The following PGM5 variants were observed in gnomAD, a reference collection of about 807,000 sequenced individuals.
PGM5 encodes the protein phosphoglucomutase-like protein 5.
In PGM5, 23 loss-of-function variants were observed where a neutral mutation model predicts 59.2. The observed-to-expected ratio is 0.39, with a 90% confidence interval of 0.28 to 0.55. PGM5 has a LOEUF of 0.55. PGM5 is among the 20% of genes least tolerant of loss of function. PGM5 has a pLI of 0.66. For synonymous variants in PGM5, 214 were observed against 286.0 expected (o/e 0.75, Z 2.54); for missense variants, 574 against 748.3 (o/e 0.77, Z 2.72).
intron 6 of PGM5, chr9:68,398,328 G>T (rs1176964869): frequency 6.6e-6 from 1 of 151,950 alleles, no homozygotes; most frequent in African/African-American, 2.4e-5. Context: ...GAAAGAGATG[G>T]CACCCTCAAA....
intron 7 of PGM5, among the ~76,000 whole-genome samples, chr9:68,472,508 C>G (rs1167534853): frequency 2.2e-4 from 34 of 152,190 alleles, no homozygotes; most frequent in Admixed American, 2.2e-3. Context: ...CTCTGTGACT[C>G]AATTTCCTCA....
At chr9:68,442,127 TA>T (rs1490922300) in intron 6 of PGM5, among the ~76,000 whole-genome samples, 4 of 152,232 alleles carry the variant, frequency 2.6e-5, no homozygotes, top group Non-Finnish European at 4.4e-5. Flanking sequence ...GTCATTTATT[TA>T]TAAATTGATT....
chr9:68,370,437 C>A lies in PGM5; in HGVS notation c.262-7762C>A, dbSNP rs1218109522. The stretch of plus-strand genomic sequence containing the variant: ...TTCTGCACCTACTCCGAAATTTTAG[C>A]CTGAGGGTTTAAATATTACCTCGCT... On this transcript the variant is annotated intron_variant, in intron 1 of 10. Coordinates refer to ENST00000396396, the MANE Select transcript of PGM5 (RefSeq NM_021965.4). Among the ~76,000 whole-genome samples the A allele has an allele frequency of 5.9e-5, 9 of 152,178 alleles. 1 individual carries two copies. In the South Asian group the frequency reaches 1.7e-3, roughly 28 times the overall value.
intron 6 of PGM5, chr9:68,398,581 G>A (rs187561339): frequency 2.0e-3 from 304 of 152,328 alleles, no homozygotes; most frequent in Non-Finnish European, 3.5e-3. Flanking sequence ...AACTTGGCAG[G>A]GGGGAGAAAT....
intron 9 of PGM5, among the ~76,000 whole-genome samples, chr9:68,484,401 A>G (rs1229525062): frequency 6.6e-6 from 1 of 151,316 alleles, no homozygotes; most frequent in Non-Finnish European, 1.5e-5. Flanking sequence ...ATAGCTGGGC[A>G]TGGTGGCACA....
At chr9:68,388,702 G>C (rs1199811231) in intron 4 of PGM5, among the ~76,000 whole-genome samples, 2 of 152,080 alleles carry the variant, frequency 1.3e-5, no homozygotes, top group East Asian at 3.9e-4. Flanking sequence ...GGAAATCTAA[G>C]TTGGATATTA....
At chr9:68,504,822 T>C (rs7025277) in intron 10 of PGM5, among the ~76,000 whole-genome samples, 3,365 of 152,322 alleles carry the variant, frequency 0.022, 85 homozygotes, top group African/African-American at 0.065. Context: ...ACCTGGTACA[T>C]GGTAAATGCC....
At chr9:68,374,136 C>T (rs782238964) in intron 1 of PGM5, among the ~76,000 whole-genome samples, 7,470 of 151,874 alleles carry the variant, frequency 0.049, 1 homozygote, top group African/African-American at 0.069. Flanking sequence ...ACTGCTATCC[C>T]AGTCTGTCAC....
chr9:68,441,408 G>A (rs1316690770), intron 6 of PGM5, among the ~76,000 whole-genome samples: 1 of 151,960 alleles, frequency 6.6e-6, no homozygotes, highest in Non-Finnish European at 1.5e-5. Flanking sequence ...AATATATCTA[G>A]CAGTATATAA....
chr9:68,458,735 C>T (rs1392369216), intron 6 of PGM5, among the ~76,000 whole-genome samples: 1 of 152,120 alleles, frequency 6.6e-6, no homozygotes, highest in African/African-American at 2.4e-5. Flanking sequence ...GGTTGAAAAA[C>T]TTTTGTAGTT....
At chr9:68,502,065 T>C (rs1824582570) in intron 10 of PGM5, among the ~76,000 whole-genome samples, 1 of 152,224 alleles carries the variant, frequency 6.6e-6, no homozygotes, top group African/African-American at 2.4e-5. Flanking sequence ...TCAAAAATAT[T>C]TTTTAAAAAT....
chr9:68,527,427 T>C (rs1011906369), intron 10 of PGM5, among the ~76,000 whole-genome samples: 11 of 152,198 alleles, frequency 7.2e-5, no homozygotes, highest in Non-Finnish European at 1.3e-4. Context: ...AATGAAGAAT[T>C]ACATAACCAA....
chr9:68,479,461 G>C lies in PGM5; in HGVS notation c.1203G>C (p.Leu401Phe), dbSNP rs1824155873. ...LREKDGLWAVLVWLSIIAARK... is the reference protein window; with the variant it reads ...LREKDGLWAVFVWLSIIAARK... ...AGAAGGATGGCCTGTGGGCTGTCTTGGTCTGGCTCTCCATTATTGCTGCCC... is the reference window on the plus strand; with the variant it reads ...AGAAGGATGGCCTGTGGGCTGTCTTCGTCTGGCTCTCCATTATTGCTGCCC... The change falls in exon 8 of 11, where the codon TTG becomes TTC. Residue 401 changes from leucine to phenylalanine, a missense_variant. Physicochemically the swap from Leu to Phe is conservative, Grantham distance 22 (BLOSUM62 0). This residue lies in a region of PGM5 where 300 missense variants were observed against 280.0 expected (regional missense o/e 1.07). Transcript: ENST00000396396. 6.2e-7 allele frequency: 1 copy of C among 1,613,946 alleles called. No homozygotes were observed. Among genetic ancestry groups the C allele is most frequent in the Non-Finnish European group, 8.5e-7 (1 of 1,179,972 alleles).
chr9:68,359,170 A>G (rs1255634455), intron 1 of PGM5, among the ~76,000 whole-genome samples: 9 of 152,208 alleles, frequency 5.9e-5, no homozygotes, highest in African/African-American at 1.7e-4. Context: ...CCACTTTACC[A>G]TAAGGACTCC....
intron 4 of PGM5, among the ~76,000 whole-genome samples, chr9:68,391,167 G>A (rs1554679403): frequency 6.6e-6 from 1 of 151,670 alleles, no homozygotes; most frequent in Non-Finnish European, 1.5e-5. Flanking sequence ...AACATTGCTA[G>A]AGCCCTTTAA....
intron 1 of PGM5, among the ~76,000 whole-genome samples, chr9:68,361,182 A>C (rs1479005855): frequency 6.6e-6 from 1 of 152,136 alleles, no homozygotes; most frequent in Admixed American, 6.5e-5. Flanking sequence ...TCTCCCTGAA[A>C]TATCTTTTGT....
At chr9:68,374,213 C>T (rs1821816761) in intron 1 of PGM5, among the ~76,000 whole-genome samples, 2 of 152,306 alleles carry the variant, frequency 1.3e-5, no homozygotes, top group Admixed American at 6.5e-5. Context: ...AAGCTACAAA[C>T]ATTTTTCAGA....
At chr9:68,417,799 C>A (rs573333142) in intron 6 of PGM5, among the ~76,000 whole-genome samples, 2 of 152,306 alleles carry the variant, frequency 1.3e-5, no homozygotes, top group African/African-American at 4.8e-5. Context: ...GGATCTGATG[C>A]TAGACCTTGG....
At chr9:68,401,663 C>T (rs1344651183) in intron 6 of PGM5, among the ~76,000 whole-genome samples, 7 of 151,906 alleles carry the variant, frequency 4.6e-5, no homozygotes, top group South Asian at 4.2e-4. Flanking sequence ...TGTTCTCCAA[C>T]GGGAACATTA....
Sources: gnomAD v4.1 joint callset for allele counts (sites outside exome capture counted in the v4.1 genomes callset) on GRCh38, gnomAD v4.1.1 for gene constraint, gnomAD v4.1.1 regional missense constraint, MANE v1.5 for transcripts, NCBI Gene and HGNC (gene_info 2026-07-23, HGNC 2026-07-21) for gene names.